The following LRP1B variants were observed in gnomAD, a reference collection of about 807,000 sequenced individuals.
LRP1B encodes LDL receptor related protein 1B.
Under a neutral mutation model 556.6 loss-of-function variants are expected in LRP1B, and 217 were observed. The ratio of observed to expected loss-of-function variants is 0.39; its 90% CI spans 0.35 to 0.44. The LOEUF (loss-of-function observed/expected upper bound fraction) is 0.44. Among genes scored for constraint, LRP1B ranks in the 20% least tolerant of loss-of-function variants. LRP1B has a pLI of 1.00. For missense variants in LRP1B, 5,053 were observed against 5,620.8 expected, an observed-to-expected ratio of 0.90 and a Z score of 3.23; for synonymous variants, 2,047 against 1,865.8, an observed-to-expected ratio of 1.10 and a Z score of -2.50.
chr2:141,463,572 T>TTATATATTATATATATTA (rs1559083829), intron 3 of LRP1B, among the ~76,000 whole-genome samples: 27 of 92,442 alleles, frequency 2.9e-4, no homozygotes, highest in African/African-American at 1.4e-3. Flanking sequence ...ATATTATATA[T>TTATATATTATATATATTA]TATATATAAT....
intron 3 of LRP1B, among the ~76,000 whole-genome samples, chr2:141,276,199 C>T (rs550448750): frequency 6.6e-6 from 1 of 152,216 alleles, no homozygotes; most frequent in East Asian, 1.9e-4. Context: ...TTCTCTCAAC[C>T]TGTTTGTGGT....
intron 3 of LRP1B, among the ~76,000 whole-genome samples, chr2:141,341,482 A>T (rs2683841): frequency 0.59 from 89,852 of 152,026 alleles, 27,445 homozygotes; most frequent in African/African-American, 0.68. Flanking sequence ...TCTCTCTATG[A>T]TGTATGACTC....
rs146748185 is a variant in LRP1B, at chr2:140,957,154, G to C, written c.2888-5214C>G. On this transcript the variant is annotated intron_variant, in intron 18 of 90. Transcript: ENST00000389484. ...ATGTAATGTGTTATTATAGTACACA[G>C]CAGAAGTAGCCAAACTAATCTCGGC... is the stretch of plus-strand genomic sequence containing the variant. 8.1e-4 allele frequency among the ~76,000 whole-genome samples: 123 copies of C among 151,802 alleles called. 1 individual carries two copies. The East Asian group carries it at 0.023, about 28-fold the overall frequency.
intron 22 of LRP1B, among the ~76,000 whole-genome samples, chr2:140,904,517 A>C (rs904004874): frequency 6.6e-6 from 1 of 152,144 alleles, no homozygotes; most frequent in Non-Finnish European, 1.5e-5. Flanking sequence ...CCTGAAATGT[A>C]AGGCTTTTAA....
intron 3 of LRP1B, among the ~76,000 whole-genome samples, chr2:141,335,229 T>C (rs185223159): frequency 6.2e-4 from 94 of 152,212 alleles, no homozygotes; most frequent in Non-Finnish European, 1.6e-4. Flanking sequence ...AGATGATAAA[T>C]GGTTATCCCA....
chr2:141,511,080 C>T (rs946648023), intron 2 of LRP1B, among the ~76,000 whole-genome samples: 2 of 152,060 alleles, frequency 1.3e-5, no homozygotes. Context: ...AGTTTCTTGA[C>T]CCCAAGGTTC....
intron 41 of LRP1B, among the ~76,000 whole-genome samples, chr2:140,603,103 C>T (rs1404761557): frequency 6.6e-6 from 1 of 151,916 alleles, no homozygotes; most frequent in Non-Finnish European, 1.5e-5. Context: ...ATTCATTAGT[C>T]TTAACTTGTT....
chr2:141,920,720 A>T (rs1263365820), intron 1 of LRP1B, among the ~76,000 whole-genome samples: 1 of 152,012 alleles, frequency 6.6e-6, no homozygotes, highest in African/African-American at 2.4e-5. Flanking sequence ...CAGATACTCC[A>T]TAGATATTGG....
chr2:140,322,208 T>C (rs968681476), intron 81 of LRP1B, 120 bp from the exon 82 acceptor site: 10 of 969,372 alleles, frequency 1.0e-5, no homozygotes, highest in Non-Finnish European at 1.6e-5. Context: ...CACATTAAAT[T>C]TCCACTGATG....
chr2:140,239,670 C>A (rs908906591), intron 87 of LRP1B, 138 bp from the exon 88 acceptor site: 33 of 511,082 alleles, frequency 6.5e-5, no homozygotes, highest in South Asian at 2.7e-4. Context: ...ATTTCGGGTT[C>A]ATAATTATGT....
chr2:141,509,289 T>C (rs1684037965), intron 2 of LRP1B, among the ~76,000 whole-genome samples: 1 of 152,156 alleles, frequency 6.6e-6, no homozygotes, highest in Admixed American at 6.6e-5. Context: ...AACTGATTTA[T>C]TTAACATTGG....
At position 140,233,288 on chromosome 2, in the gene LRP1B, A is replaced by G; in HGVS notation, c.13698T>C (p.Tyr4566=). The G allele has an allele frequency of 6.2e-7, 1 of 1,604,716 alleles. No homozygotes were observed. Residue 4566 remains tyrosine, a synonymous_variant, in exon 91 of 91, where the codon TAT becomes TAC. Coordinates refer to ENST00000389484, the MANE Select transcript of LRP1B (RefSeq NM_018557.3). ...AGTTTCGACAGTTTTGCCCATCCAT[A>G]TATAATTTTGCATATACCGGATTGG... ...NYSNPVYAKL[Y]MDGQNCRNSL...
intron 3 of LRP1B, among the ~76,000 whole-genome samples, chr2:141,320,161 C>A (rs1687184292): frequency 6.6e-6 from 1 of 152,014 alleles, no homozygotes; most frequent in Admixed American, 6.6e-5. Flanking sequence ...TTCATAATTA[C>A]CTTTATTATC....
chr2:142,050,258 T>C (rs1704408341), intron 1 of LRP1B, among the ~76,000 whole-genome samples: 1 of 152,164 alleles, frequency 6.6e-6, no homozygotes, highest in African/African-American at 2.4e-5. Context: ...TTGTAATAAA[T>C]GTGGCACTTC....
chr2:141,348,908 G>T (rs1011234027), intron 3 of LRP1B, among the ~76,000 whole-genome samples: 1 of 151,962 alleles, frequency 6.6e-6, no homozygotes, highest in African/African-American at 2.4e-5. Flanking sequence ...TCTATAAGGG[G>T]AAATTTCCCT....
At chr2:141,364,971 T>A (rs1688964045) in intron 3 of LRP1B, among the ~76,000 whole-genome samples, 1 of 152,332 alleles carries the variant, frequency 6.6e-6, no homozygotes, top group African/African-American at 2.4e-5. Flanking sequence ...AATAAAGTAT[T>A]CTAAAGCTCA....
At chr2:140,999,367 T>A (rs1237202354) in intron 15 of LRP1B, among the ~76,000 whole-genome samples, 1 of 152,014 alleles carries the variant, frequency 6.6e-6, no homozygotes, top group Non-Finnish European at 1.5e-5. Context: ...TTTTCCCTTT[T>A]ATTGCATTGG....
chr2:140,952,520 A>G (rs1479062174), intron 18 of LRP1B, among the ~76,000 whole-genome samples: 3 of 152,044 alleles, frequency 2.0e-5, no homozygotes, highest in Non-Finnish European at 4.4e-5. Context: ...AACAACAACA[A>G]CAAAAAAAAC....
rs751233954 is a variant in LRP1B, at chr2:140,485,407, G to C, written c.9361C>G (p.Pro3121Ala). The C allele has an allele frequency of 1.9e-6, 3 of 1,613,668 alleles. No individual in the cohort carries two copies. Among genetic ancestry groups the C allele is most frequent in the Non-Finnish European group, 2.5e-6 (3 of 1,179,820 alleles). The change falls in exon 59 of 91, where the codon CCT becomes GCT. Residue 3121 changes from proline (P) to alanine (A), a missense_variant. Physicochemically the swap from Pro to Ala is conservative, Grantham distance 27. Coordinates refer to ENST00000389484, the MANE Select transcript of LRP1B (RefSeq NM_018557.3). Reference protein sequence around the residue: ...IEVSKLNGLYPTILVSKRLKF... With the variant: ...IEVSKLNGLYATILVSKRLKF... ...AGCCTTTTGCTAACGAGTATAGTAG[G>C]GTACAAGCCATTGAGTTTGGATACT...
Sources: allele counts gnomAD v4.1 joint callset (sites outside exome capture counted in the v4.1 genomes callset), GRCh38; gene constraint gnomAD v4.1.1; transcripts MANE v1.5; gene names NCBI Gene and HGNC (gene_info 2026-07-23, HGNC 2026-07-21).